The following SPAG16 variants were observed in gnomAD, a reference collection of about 807,000 sequenced individuals.
SPAG16 encodes the protein sperm-associated antigen 16 protein.
In SPAG16, 86 loss-of-function variants were observed where a neutral mutation model predicts 80.4. That is an observed-to-expected ratio of 1.07 (90% confidence interval 0.90 to 1.28). SPAG16 has a LOEUF of 1.28. Among genes scored for constraint, SPAG16 ranks in the 50% most tolerant of loss-of-function variants. The probability of loss-of-function intolerance (pLI) is 0.00; values close to 1 mark genes in which losing one functional copy is unlikely to be tolerated. For synonymous variants in SPAG16, 294 were observed against 265.9 expected, an observed-to-expected ratio of 1.11 and a Z score of -1.03; for missense variants, 870 against 765.3, an observed-to-expected ratio of 1.14 and a Z score of -1.61.
chr2:213,297,598 T>C (rs1361406718), intron 3 of SPAG16, among the ~76,000 whole-genome samples: 3 of 151,892 alleles, frequency 2.0e-5, no homozygotes, highest in African/African-American at 7.2e-5. Flanking sequence ...TGACACCTTC[T>C]CTCTGAACTC....
chr2:213,627,837 A>G (rs558038240), intron 10 of SPAG16, among the ~76,000 whole-genome samples: 3 of 152,318 alleles, frequency 2.0e-5, no homozygotes, highest in Non-Finnish European at 4.4e-5. Context: ...CATTGAAGTC[A>G]AGGTCTTTGG....
chr2:213,328,436 A>G (rs2063934605), intron 5 of SPAG16, among the ~76,000 whole-genome samples: 1 of 152,188 alleles, frequency 6.6e-6, no homozygotes, highest in Admixed American at 6.5e-5. Flanking sequence ...CATTTTCTAA[A>G]TGAGAATTCA....
chr2:213,490,984 C>T (rs2074211402), intron 10 of SPAG16, among the ~76,000 whole-genome samples: 3 of 152,096 alleles, frequency 2.0e-5, no homozygotes, highest in Admixed American at 6.5e-5. Context: ...GCTTCCTCTG[C>T]TCTTGATGAC....
At chr2:213,421,525 AC>A (rs1343299374) in intron 9 of SPAG16, among the ~76,000 whole-genome samples, 1 of 152,082 alleles carries the variant, frequency 6.6e-6, no homozygotes, top group Non-Finnish European at 1.5e-5. Flanking sequence ...GTGAAGCCCC[AC>A]CTTCAAGCCA....
chr2:214,052,220 G>A (rs1248081599), intron 13 of SPAG16, among the ~76,000 whole-genome samples: 1 of 152,176 alleles, frequency 6.6e-6, no homozygotes, highest in Non-Finnish European at 1.5e-5. Context: ...TCTCCACCTA[G>A]TACCTATTGC....
intron 15 of SPAG16, among the ~76,000 whole-genome samples, chr2:214,327,600 G>A (rs1010803407): frequency 3.9e-5 from 6 of 152,092 alleles, no homozygotes; most frequent in Admixed American, 3.3e-4. Context: ...TTGGTTGCTC[G>A]AGTCATCTCA....
At chr2:214,396,598 T>C (rs1431920640) in intron 15 of SPAG16, among the ~76,000 whole-genome samples, 3 of 152,202 alleles carry the variant, frequency 2.0e-5, no homozygotes, top group Non-Finnish European at 4.4e-5. Flanking sequence ...TTTTGTTTCA[T>C]TGATCCCTTC....
At chr2:214,187,925 A>G (rs772083028) in intron 15 of SPAG16, among the ~76,000 whole-genome samples, 2 of 152,122 alleles carry the variant, frequency 1.3e-5, no homozygotes, top group African/African-American at 2.4e-5. Flanking sequence ...TAATATCAAA[A>G]TGCACTACTA....
chr2:214,406,542 A>T (rs1702008171), intron 15 of SPAG16, among the ~76,000 whole-genome samples: 1 of 152,144 alleles, frequency 6.6e-6, no homozygotes, highest in Non-Finnish European at 1.5e-5. Flanking sequence ...AACAAATTCA[A>T]TTGAAACTGT....
At chr2:213,423,502 T>C (rs1478178819) in intron 9 of SPAG16, among the ~76,000 whole-genome samples, 1 of 152,178 alleles carries the variant, frequency 6.6e-6, no homozygotes, top group Admixed American at 6.5e-5. Flanking sequence ...CTTATTCAGT[T>C]ACATAGATTC....
chr2:213,850,206 T>C (rs1358570670), intron 10 of SPAG16, among the ~76,000 whole-genome samples: 1 of 152,170 alleles, frequency 6.6e-6, no homozygotes, highest in Non-Finnish European at 1.5e-5. Context: ...TATTAGAAAG[T>C]TGAATAACTT....
chr2:213,322,038 C>CT (rs915644989), intron 5 of SPAG16, among the ~76,000 whole-genome samples: 1 of 150,966 alleles, frequency 6.6e-6, no homozygotes, highest in African/African-American at 2.4e-5. Context: ...CTAACTTGCA[C>CT]TTTGTGCACA....
At chr2:213,732,950 C>T (rs1042842702) in intron 10 of SPAG16, among the ~76,000 whole-genome samples, 2 of 152,162 alleles carry the variant, frequency 1.3e-5, no homozygotes, top group African/African-American at 4.8e-5. Flanking sequence ...GAGGAATTGC[C>T]ACACTGTCTT....
intron 12 of SPAG16, among the ~76,000 whole-genome samples, chr2:213,938,388 A>ATG (rs201591681): frequency 2.0e-4 from 31 of 151,730 alleles, no homozygotes; most frequent in Non-Finnish European, 3.7e-4. Context: ...TTGTACATGT[A>ATG]TGTGTGTGTG....
intron 15 of SPAG16, among the ~76,000 whole-genome samples, chr2:214,388,950 G>A (rs1037123142): frequency 2.6e-5 from 4 of 152,134 alleles, no homozygotes; most frequent in African/African-American, 7.2e-5. Context: ...GATAAGAAGC[G>A]AGAACGTAAA....
intron 10 of SPAG16, among the ~76,000 whole-genome samples, chr2:213,682,190 G>A (rs529848588): frequency 1.3e-5 from 2 of 152,162 alleles, no homozygotes; most frequent in Non-Finnish European, 2.9e-5. Context: ...CTGACAAAAG[G>A]AGGCTAACTT....
chr2:214,128,578 A>G (rs2054607469), intron 14 of SPAG16, among the ~76,000 whole-genome samples: 2 of 151,952 alleles, frequency 1.3e-5, no homozygotes, highest in East Asian at 1.9e-4. Context: ...CCAAAGAAAT[A>G]TCTTTAATCT....
At chr2:213,444,543 T>A (rs2071177686) in intron 9 of SPAG16, among the ~76,000 whole-genome samples, 1 of 152,196 alleles carries the variant, frequency 6.6e-6, no homozygotes, top group Non-Finnish European at 1.5e-5. Flanking sequence ...AAACAAACTT[T>A]TATATTTTGA....
intron 13 of SPAG16, among the ~76,000 whole-genome samples, chr2:214,045,622 A>C (rs1444801468): frequency 6.6e-6 from 1 of 152,202 alleles, no homozygotes; most frequent in Non-Finnish European, 1.5e-5. Context: ...TGAGTTAATG[A>C]AGTGATTAAG....
Sources: gnomAD v4.1 joint callset for allele counts (sites outside exome capture counted in the v4.1 genomes callset) on GRCh38, gnomAD v4.1.1 for gene constraint, MANE v1.5 for transcripts, NCBI Gene and HGNC (gene_info 2026-07-23, HGNC 2026-07-21) for gene names.